The following NYAP2 variants were observed in gnomAD, a reference collection of about 807,000 sequenced individuals.
NYAP2 encodes the protein neuronal tyrosine-phosphorylated phosphoinositide-3-kinase adaptor 2.
Under a neutral mutation model 50.4 loss-of-function variants are expected in NYAP2, and 23 were observed. The ratio of observed to expected loss-of-function variants is 0.46; its 90% CI spans 0.33 to 0.65. The LOEUF (loss-of-function observed/expected upper bound fraction) is 0.65. Among genes scored for constraint, NYAP2 ranks in the 30% least tolerant of loss-of-function variants. NYAP2 has a pLI of 0.02. For synonymous variants in NYAP2, 394 were observed against 365.2 expected, an observed-to-expected ratio of 1.08 and a Z score of -0.90; for missense variants, 885 against 861.0, an observed-to-expected ratio of 1.03 and a Z score of -0.35.
At chr2:225,554,365 A>T (rs1452415599) in intron 4 of NYAP2, among the ~76,000 whole-genome samples, 2 of 151,116 alleles carry the variant, frequency 1.3e-5, no homozygotes, top group Non-Finnish European at 2.9e-5. Flanking sequence ...CTGTCACCCA[A>T]GCTGGAGTGC....
chr2:225,569,281 T>A (rs1009002250), intron 4 of NYAP2, among the ~76,000 whole-genome samples: 2 of 152,200 alleles, frequency 1.3e-5, no homozygotes, highest in African/African-American at 4.8e-5. Flanking sequence ...GTCTTTCTTT[T>A]TGCAATATGA....
At chr2:225,655,424 G>A (rs1013044340), downstream of NYAP2, among the ~76,000 whole-genome samples, 2 of 151,988 alleles carry the variant, frequency 1.3e-5, no homozygotes, top group African/African-American at 4.8e-5. Flanking sequence ...AGAAATCTTT[G>A]GAAATCAGAC....
chr2:225,557,449 T>G (rs191619618), intron 4 of NYAP2, among the ~76,000 whole-genome samples: 118 of 152,294 alleles, frequency 7.7e-4, no homozygotes, highest in African/African-American at 2.6e-3. Flanking sequence ...TTTGTATGTA[T>G]GTTTTTCCAG....
At chr2:225,679,800 A>G in the NYAP2 span, among the ~76,000 whole-genome samples, 5 of 151,876 alleles carry the variant, frequency 3.3e-5, no homozygotes, top group African/African-American at 1.2e-4. Flanking sequence ...GCCTGATTTA[A>G]TTTTTTAATC....
downstream of NYAP2, among the ~76,000 whole-genome samples, chr2:225,658,042 G>A (rs1398039815): frequency 6.6e-6 from 1 of 152,114 alleles, no homozygotes; most frequent in Admixed American, 6.5e-5. Context: ...CTGAGAACAT[G>A]TTTTCCATGC....
At chr2:225,527,263 C>T (rs1264852674) in intron 4 of NYAP2, among the ~76,000 whole-genome samples, 1 of 152,136 alleles carries the variant, frequency 6.6e-6, no homozygotes, top group Non-Finnish European at 1.5e-5. Context: ...GCCTGTGTGT[C>T]TATTGTAATC....
intron 2 of NYAP2, among the ~76,000 whole-genome samples, chr2:225,403,791 AC>A (rs1387889657): frequency 6.6e-6 from 1 of 151,816 alleles, no homozygotes; most frequent in Non-Finnish European, 1.5e-5. Context: ...TACCTATAAA[AC>A]TCTGCTTTTG....
intron 4 of NYAP2, among the ~76,000 whole-genome samples, chr2:225,577,118 G>A (rs774396787): frequency 1.3e-5 from 2 of 152,066 alleles, no homozygotes; most frequent in Non-Finnish European, 2.9e-5. Flanking sequence ...AGATCATCTG[G>A]GCATGACTGA....
chr2:225,459,132 A>G (rs1180145995), intron 3 of NYAP2, among the ~76,000 whole-genome samples: 1 of 152,262 alleles, frequency 6.6e-6, no homozygotes, highest in Admixed American at 6.5e-5. Flanking sequence ...TGGATTAAAA[A>G]TCTATGTAAT....
chr2:225,580,682 G>A (rs1220496572), intron 4 of NYAP2, among the ~76,000 whole-genome samples: 1 of 152,018 alleles, frequency 6.6e-6, no homozygotes, highest in African/African-American at 2.4e-5. Context: ...GTTGATGGAT[G>A]GAACAGCCAT....
intron 4 of NYAP2, among the ~76,000 whole-genome samples, chr2:225,549,335 A>G (rs1691634953): frequency 6.6e-6 from 1 of 152,224 alleles, no homozygotes. Context: ...AACTCTAAAC[A>G]GTGAACTCCT....
rs141249917 is a variant in NYAP2 at position 225,443,692 on chromosome 2, T to C, written c.221+34591T>C. Among the ~76,000 whole-genome samples the C allele has an allele frequency of 4.6e-5, 7 of 152,366 alleles. No individual in the cohort carries two copies. In the East Asian group the frequency reaches 1.3e-3, roughly 29 times the overall value. On this transcript the variant is annotated intron_variant, in intron 3 of 6. Coordinates refer to ENST00000636099, the Ensembl canonical transcript of NYAP2. The stretch of plus-strand genomic sequence containing the variant: ...CAAGAAACTACCTGTAAACTACATC[T>C]GTATTAACCACTAAACCAATTATTT...
At chr2:225,580,204 C>T (rs1692247590) in intron 4 of NYAP2, among the ~76,000 whole-genome samples, 2 of 152,192 alleles carry the variant, frequency 1.3e-5, no homozygotes, top group South Asian at 2.1e-4. Context: ...AAAACTTTGT[C>T]AACCTTGTTC....
intron 6 of NYAP2, among the ~76,000 whole-genome samples, chr2:225,640,368 AT>A (rs1163469909): frequency 2.6e-5 from 4 of 152,122 alleles, no homozygotes; most frequent in African/African-American, 9.7e-5. Flanking sequence ...AATCAGCAAC[AT>A]TATGTATGCT....
In NYAP2 at chr2:225,496,956, C is replaced by T. The variant is rs117216600; in HGVS notation, c.222-16415C>T. Among the ~76,000 whole-genome samples the T allele has an allele frequency of 1.4e-3, 210 of 151,990 alleles. 2 individuals are homozygous for T. Among genetic ancestry groups the T allele is most frequent in the East Asian group, 0.012 (61 of 5,182 alleles). On this transcript the variant is annotated intron_variant, in intron 3 of 6. Coordinates refer to ENST00000636099, the Ensembl canonical transcript of NYAP2. ...TTAGATGCATTGTGAGCATTAAAAC[C>T]GTTGCTAATATGTTGTGACAATACC...
chr2:225,538,782 CTTTCTTTCTTTCT>C (rs1691397967), intron 4 of NYAP2, among the ~76,000 whole-genome samples: 2 of 19,434 alleles, frequency 1.0e-4, no homozygotes, highest in Admixed American at 1.2e-3. Flanking sequence ...CTTTTCTTTT[CTTTCTTTCTTTCT>C]TTCTTTCTTT....
chr2:225,451,922 TTC>T (rs148015447), intron 3 of NYAP2, among the ~76,000 whole-genome samples: 15 of 151,784 alleles, frequency 9.9e-5, no homozygotes, highest in East Asian at 7.7e-4. Flanking sequence ...ACCTCCCAAT[TTC>T]TCTCTCTCTC....
chr2:225,590,103 A>C (rs1692471335), intron 5 of NYAP2, among the ~76,000 whole-genome samples: 1 of 152,208 alleles, frequency 6.6e-6, no homozygotes, highest in South Asian at 2.1e-4. Context: ...TTCTGGCAGG[A>C]TCCAGACCTG....
At chr2:225,567,618 G>A (rs980087036) in intron 4 of NYAP2, among the ~76,000 whole-genome samples, 1 of 152,034 alleles carries the variant, frequency 6.6e-6, no homozygotes, top group Admixed American at 6.6e-5. Flanking sequence ...GGGGCAGAGG[G>A]TGGGGCAAGA....
Sources: allele counts gnomAD v4.1 joint callset (sites outside exome capture counted in the v4.1 genomes callset), GRCh38; gene constraint gnomAD v4.1.1; transcripts MANE v1.5; gene names NCBI Gene and HGNC (gene_info 2026-07-23, HGNC 2026-07-21).